Variants in NSD3 observed in about 807,000 individuals in gnomAD.
NSD3 encodes histone-lysine N-methyltransferase NSD3.
In NSD3, 24 loss-of-function variants were observed where a neutral mutation model predicts 160.8. That is an observed-to-expected ratio of 0.15 (90% CI 0.11 to 0.21). The LOEUF (loss-of-function observed/expected upper bound fraction) is 0.21. NSD3 is among the 10% of genes least tolerant of loss of function. NSD3 has a pLI of 1.00. For synonymous variants in NSD3, 520 were observed against 600.0 expected, an observed-to-expected ratio of 0.87 and a Z score of 1.95; for missense variants, 1,157 against 1,735.9, an observed-to-expected ratio of 0.67 and a Z score of 5.93.
intron 2 of NSD3, among the ~76,000 whole-genome samples, chr8:38,340,107 C>T (rs929506357): frequency 6.6e-6 from 1 of 151,316 alleles, no homozygotes; most frequent in African/African-American, 2.4e-5. Flanking sequence ...AAAAAAAAAA[C>T]CAAATTACTT....
intron 1 of NSD3, among the ~76,000 whole-genome samples, chr8:38,379,509 G>C (rs901048455): frequency 2.0e-5 from 3 of 151,822 alleles, no homozygotes; most frequent in African/African-American, 7.3e-5. Flanking sequence ...TAATGCAACT[G>C]TTCCTCACAG....
chr8:38,331,359 A>G, intron 5 of NSD3, 72 bp downstream of exon 5: 1 of 1,413,590 alleles, frequency 7.1e-7, no homozygotes. Flanking sequence ...GAATTCAAGT[A>G]TGAAAAATTC....
At chr8:38,373,934 C>CAAAAAA (rs61532119) in intron 1 of NSD3, among the ~76,000 whole-genome samples, 10 of 25,108 alleles carry the variant, frequency 4.0e-4, no homozygotes, top group African/African-American at 5.5e-4. Context: ...TCTGTCTCTA[C>CAAAAAA]AAAAAAAAAA....
At chr8:38,303,899 C>T (rs1007644384) in intron 14 of NSD3, among the ~76,000 whole-genome samples, 1 of 152,116 alleles carries the variant, frequency 6.6e-6, no homozygotes, top group Non-Finnish European at 1.5e-5. Context: ...TGAGATAAAG[C>T]CAGATATTCT....
Position 38,288,556 on chromosome 8 carries a change from G to T in NSD3, c.3432C>A (p.Tyr1144Ter). ...CCGTTTTGATGATCTCTGCATCAGG[G>T]TATAGTCTCTTTGTAAAGCACTGGT... is the stretch of plus-strand genomic sequence containing the variant. ...CQNQCFTKRL[Y>*]PDAEIIKTER... The change falls in exon 19 of 24, where the codon TAC (tyrosine) becomes TAA (stop). Residue 1144 changes from tyrosine to a stop codon, truncating the protein, a stop_gained. Transcript: ENST00000317025. LOFTEE classifies it high-confidence loss of function. The surrounding 1 kb of genome is among the most constrained non-coding windows in gnomAD (Gnocchi z 4.5). 1 of 1,614,134 alleles carries T rather than the reference G, an allele frequency of 6.2e-7. No individual in the cohort carries two copies. Among genetic ancestry groups the T allele is most frequent in the Non-Finnish European group, 8.5e-7 (1 of 1,180,036 alleles).
At chr8:38,277,695 G>A (rs1204987784) in intron 22 of NSD3, among the ~76,000 whole-genome samples, 1 of 152,184 alleles carries the variant, frequency 6.6e-6, no homozygotes, top group African/African-American at 2.4e-5. Flanking sequence ...ATTTTAAAGT[G>A]TATAATTCAG....
At chr8:38,332,370 C>T (rs967331317) in intron 4 of NSD3, among the ~76,000 whole-genome samples, 2 of 151,866 alleles carry the variant, frequency 1.3e-5, no homozygotes, top group Non-Finnish European at 2.9e-5. Context: ...CTCCTGGGCT[C>T]AAGCAATCCT....
chr8:38,279,830 T>C, intron 20 of NSD3, 149 bp from the exon 21 acceptor site: 1 of 769,460 alleles, frequency 1.3e-6, no homozygotes, highest in Non-Finnish European at 2.0e-6. Context: ...GCCTGGGTAA[T>C]TTACTAAGTT....
chr8:38,298,616 G>A (rs986900839), intron 15 of NSD3, among the ~76,000 whole-genome samples: 12 of 152,160 alleles, frequency 7.9e-5, no homozygotes, highest in African/African-American at 2.9e-4. Flanking sequence ...CTTGGCCCCA[G>A]ATCATAATGG....
At chr8:38,378,844 A>G (rs1811468406) in intron 1 of NSD3, among the ~76,000 whole-genome samples, 1 of 148,808 alleles carries the variant, frequency 6.7e-6, no homozygotes, top group Non-Finnish European at 1.5e-5. Flanking sequence ...AAAAAAAAAA[A>G]GTACTAACTT....
chr8:38,275,012 C>T lies in NSD3; in HGVS notation c.*629G>A, dbSNP rs1247007991. 4.0e-5 allele frequency: 9 copies of T among 222,876 alleles called. No homozygotes were observed. Among genetic ancestry groups the T allele is most frequent in the Non-Finnish European group, 7.2e-5 (8 of 111,782 alleles). 13.8% of individuals were successfully genotyped at this position (222,876 alleles called of 1,614,324 possible). On this transcript the variant is annotated 3_prime_UTR_variant, in exon 24 of 24. Coordinates refer to ENST00000317025, the MANE Select transcript of NSD3 (RefSeq NM_023034.2). Reference sequence around the variant, plus strand: ...TTGTTTAAGACCACAGAGGTAAAATCCACCGAGGCATTGTTTTCAAGAGGC... The same window carrying T: ...TTGTTTAAGACCACAGAGGTAAAATTCACCGAGGCATTGTTTTCAAGAGGC...
chr8:38,298,530 CTGTG>C (rs143129228), intron 15 of NSD3, among the ~76,000 whole-genome samples: 37 of 145,488 alleles, frequency 2.5e-4, no homozygotes, highest in African/African-American at 7.3e-4. Context: ...AATACACCTA[CTGTG>C]TGTGTGTGTG....
At chr8:38,380,186 T>C (rs1298909858) in intron 1 of NSD3, among the ~76,000 whole-genome samples, 2 of 152,188 alleles carry the variant, frequency 1.3e-5, no homozygotes, top group African/African-American at 4.8e-5. Flanking sequence ...AAAAGAGAGT[T>C]TATTTAAAAA....
chr8:38,336,116 A>G (rs1810209248), intron 4 of NSD3: 1 of 152,260 alleles, frequency 6.6e-6, no homozygotes, highest in African/African-American at 2.4e-5. Flanking sequence ...ACATAAAGAG[A>G]TACTTTTTCC....
At chr8:38,366,210 G>T (rs1196394830) in intron 1 of NSD3, among the ~76,000 whole-genome samples, 2 of 151,130 alleles carry the variant, frequency 1.3e-5, no homozygotes, top group Non-Finnish European at 2.9e-5. Flanking sequence ...TAATTGCACT[G>T]ATTAAAAGAC....
rs1373015761 is a variant in NSD3 at position 38,316,747 on chromosome 8, C to CT, written c.1856-706dup. On this transcript the variant is annotated intron_variant, in intron 9 of 23. Coordinates refer to ENST00000317025, the MANE Select transcript of NSD3 (RefSeq NM_023034.2). The surrounding 1 kb of genome is among the most constrained non-coding windows in gnomAD (Gnocchi z 4.5). The stretch of plus-strand genomic sequence containing the variant: ...CACGTAGAGCTGGATGGGAAGGCCT[C>CT]TATGTGGAATTTGTGCGGGAAGAAA... The CT allele has an allele frequency of 3.8e-5, 40 of 1,057,472 alleles. No individual in the cohort carries two copies. The highest frequency in any genetic ancestry group is 4.2e-5 in the Non-Finnish European group (37 of 874,588). The allele number at this position is 1,057,472 out of a possible 1,614,324, so 65.5% of individuals were successfully genotyped here.
intron 1 of NSD3, among the ~76,000 whole-genome samples, chr8:38,362,923 C>T (rs1166227678): frequency 6.6e-6 from 1 of 152,132 alleles, no homozygotes; most frequent in Admixed American, 6.5e-5. Context: ...AATACAAAAC[C>T]TGTGCTCAAC....
chr8:38,288,974 T>C lies in NSD3; in HGVS notation c.3232-218A>G, dbSNP rs572873810. 6.6e-6 allele frequency among the ~76,000 whole-genome samples: 1 copy of C among 152,316 alleles called. No individual in the cohort carries two copies. The highest frequency in any genetic ancestry group is 2.1e-4 in the South Asian group (1 of 4,828). ...TGAATTTTCACTTATTTATCCTGGG[T>C]ATTTCTACTTTCACTAGATGGAAAT... On this transcript the variant is annotated intron_variant, in intron 18 of 23. Coordinates refer to ENST00000317025, the MANE Select transcript of NSD3 (RefSeq NM_023034.2). This position sits in a 1 kb window ranked among gnomAD's most constrained non-coding sequence, Gnocchi z 4.5.
At chr8:38,277,942 T>C (rs1215024384) in intron 22 of NSD3, among the ~76,000 whole-genome samples, 1 of 149,430 alleles carries the variant, frequency 6.7e-6, no homozygotes, top group Non-Finnish European at 1.5e-5. Context: ...CAGACTTCTT[T>C]TTTTTTTTTT....
Sources: gnomAD v4.1 joint callset for allele counts (sites outside exome capture counted in the v4.1 genomes callset) on GRCh38, gnomAD v4.1.1 for gene constraint, Gnocchi (gnomAD v3.1) non-coding constraint, MANE v1.5 for transcripts, NCBI Gene and HGNC (gene_info 2026-07-23, HGNC 2026-07-21) for gene names.